PPFIBP1: variants seen among roughly 807,000 people sequenced by gnomAD.
The protein encoded by PPFIBP1 is PPFIB scaffold protein 1, also known as liprin-beta-1.
PPFIBP1 carries 112 observed loss-of-function variants against 137.8 expected under a neutral mutation model. That is an observed-to-expected ratio of 0.81 (90% CI 0.70 to 0.95). The LOEUF is 0.95. Ranked by LOEUF, PPFIBP1 falls within the 40% of genes least tolerant of loss-of-function variation. The pLI is 0.00. For missense variants in PPFIBP1, 1,083 were observed against 1,196.6 expected (o/e 0.91, Z 1.40); for synonymous variants, 378 against 417.3 (o/e 0.91, Z 1.15).
At chr12:27,673,543 T>G (rs1565988187) in intron 15 of PPFIBP1, among the ~76,000 whole-genome samples, 1 of 152,210 alleles carries the variant, frequency 6.6e-6, no homozygotes, top group African/African-American at 2.4e-5. Context: ...TTCTAACATG[T>G]GCAGAACAGT....
chr12:27,660,393 A>G (rs1290364455), intron 10 of PPFIBP1, among the ~76,000 whole-genome samples: 3 of 152,210 alleles, frequency 2.0e-5, no homozygotes, highest in Non-Finnish European at 4.4e-5. Context: ...TGGAACTACA[A>G]CCAGCTTCTT....
chr12:27,596,947 C>T (rs1266859611), intron 2 of PPFIBP1, among the ~76,000 whole-genome samples: 2 of 152,164 alleles, frequency 1.3e-5, no homozygotes, highest in Non-Finnish European at 2.9e-5. Context: ...CCTCTACACA[C>T]TCTTGTCTCA....
At chr12:27,667,843 A>G (rs1004716229) in intron 13 of PPFIBP1, among the ~76,000 whole-genome samples, 1 of 152,098 alleles carries the variant, frequency 6.6e-6, no homozygotes, top group African/African-American at 2.4e-5. Context: ...TAGAACAACT[A>G]CATGTGACCG....
intron 4 of PPFIBP1, chr12:27,637,014 T>C (rs770175108): frequency 5.9e-5 from 9 of 152,234 alleles, no homozygotes; most frequent in Non-Finnish European, 1.3e-4. Flanking sequence ...TACTCAAAAG[T>C]CATGCTCTCA....
At chr12:27,593,936 C>G in intron 2 of PPFIBP1, 1 of 1,485,062 alleles carries the variant, frequency 6.7e-7, no homozygotes, top group South Asian at 1.6e-5. Context: ...TGTGTCCTCA[C>G]AGGGGGTGTC....
At chr12:27,529,790 G>T (rs1295264626) in intron 1 of PPFIBP1, among the ~76,000 whole-genome samples, 1 of 152,222 alleles carries the variant, frequency 6.6e-6, no homozygotes, top group Non-Finnish European at 1.5e-5. Flanking sequence ...GGCCAGCAAG[G>T]TAGTTTTGGG....
Position 27,626,261 on chromosome 12 carries a change from A to G in PPFIBP1, c.-35-7101A>G, listed in dbSNP as rs554494775. ...CACGCATAAGTACCTATAGTGGTTGAGGTTTAAAGGGAGAGGTTTTTTGAA... is the reference window on the plus strand; with the variant it reads ...CACGCATAAGTACCTATAGTGGTTGGGGTTTAAAGGGAGAGGTTTTTTGAA... On this transcript the variant is annotated intron_variant, in intron 2 of 29. Coordinates refer to ENST00000228425, the MANE Select transcript of PPFIBP1 (RefSeq NM_003622.4). 5.3e-5 allele frequency among the ~76,000 whole-genome samples: 8 copies of G among 152,286 alleles called. No homozygotes were observed. The South Asian group carries it at 1.0e-3, about 20-fold the overall frequency.
chr12:27,664,178 G>C (rs2059717830), intron 11 of PPFIBP1, among the ~76,000 whole-genome samples, 184 bp from the exon 12 acceptor site: 1 of 152,106 alleles, frequency 6.6e-6, no homozygotes, highest in Non-Finnish European at 1.5e-5. Flanking sequence ...TTCTCCTAAA[G>C]CTTAGAAGTA....
Position 27,598,885 on chromosome 12 carries a change from C to T in PPFIBP1, c.-36+20646C>T, listed in dbSNP as rs561459157. 6.2e-4 allele frequency among the ~76,000 whole-genome samples: 94 copies of T among 152,240 alleles called. 1 individual carries two copies. The highest frequency in any genetic ancestry group is 1.2e-3 in the Admixed American group (19 of 15,286). On this transcript the variant is annotated intron_variant, in intron 2 of 29. Transcript: ENST00000228425. Reference sequence around the variant, plus strand: ...CTTCCCTTGGATTACAATTTTACATCGTCTAAGTAGTATAAGCTGCCTTTT... The same window carrying T: ...CTTCCCTTGGATTACAATTTTACATTGTCTAAGTAGTATAAGCTGCCTTTT...
intron 1 of PPFIBP1, chr12:27,548,946 G>C (rs1946496264): frequency 6.6e-6 from 1 of 152,206 alleles, no homozygotes; most frequent in South Asian, 2.1e-4. Context: ...GTAGGTCACT[G>C]TTCCTAATTC....
chr12:27,646,366 C>G (rs1653230935), intron 5 of PPFIBP1: 2 of 573,084 alleles, frequency 3.5e-6, no homozygotes, highest in African/African-American at 1.9e-5. Context: ...TCAGCTCTTG[C>G]AGGACCAGTC....
chr12:27,549,560 A>C (rs966801617), intron 1 of PPFIBP1: 2 of 148,140 alleles, frequency 1.4e-5, no homozygotes, highest in African/African-American at 5.0e-5. Context: ...GAAGAACCAG[A>C]ATTAAAAAAA....
intron 20 of PPFIBP1, 101 bp downstream of exon 20, chr12:27,679,740 T>C: frequency 1.4e-6 from 2 of 1,439,006 alleles, no homozygotes; most frequent in South Asian, 2.7e-5. Flanking sequence ...GTATTCCTCT[T>C]ATGGAAGGAA....
intron 1 of PPFIBP1, chr12:27,548,740 C>G (rs1243915599): frequency 6.6e-6 from 1 of 152,176 alleles, no homozygotes; most frequent in Admixed American, 6.5e-5. Flanking sequence ...GGTGGGGAAG[C>G]CTGATGACTT....
chr12:27,671,423 C>T lies in PPFIBP1; in HGVS notation c.1147-8C>T. 6.9e-7 allele frequency: 1 copy of T among 1,446,264 alleles called. No homozygotes were observed. Among genetic ancestry groups the T allele is most frequent in the Non-Finnish European group, 9.5e-7 (1 of 1,058,116 alleles). The allele number at this position is 1,446,264 out of a possible 1,614,324, so 89.6% of individuals were successfully genotyped here. On this transcript the variant is annotated splice_region_variant and splice_polypyrimidine_tract_variant and intron_variant, in intron 13 of 29. Coordinates refer to ENST00000228425, the MANE Select transcript of PPFIBP1 (RefSeq NM_003622.4). Reference sequence around the variant, plus strand: ...TTGATTGATTGATTTTTTGTAATTACATTACAGTTCCATACTACCATCTTG... The same window carrying T: ...TTGATTGATTGATTTTTTGTAATTATATTACAGTTCCATACTACCATCTTG...
intron 2 of PPFIBP1, among the ~76,000 whole-genome samples, chr12:27,622,973 G>A (rs1487545732): frequency 2.6e-5 from 4 of 152,186 alleles, no homozygotes; most frequent in Non-Finnish European, 5.9e-5. Flanking sequence ...AGGTGCTCAT[G>A]TATAGGAATT....
intron 2 of PPFIBP1, among the ~76,000 whole-genome samples, chr12:27,610,593 G>C (rs999256012): frequency 3.3e-5 from 5 of 152,194 alleles, no homozygotes; most frequent in Admixed American, 6.5e-5. Context: ...GAAAACATGG[G>C]AGGAGACTTA....
chr12:27,615,801 G>A (rs1469675032), intron 2 of PPFIBP1, among the ~76,000 whole-genome samples: 1 of 152,172 alleles, frequency 6.6e-6, no homozygotes, highest in Non-Finnish European at 1.5e-5. Flanking sequence ...TCAGGGACCA[G>A]CCACACTCCA....
intron 17 of PPFIBP1, among the ~76,000 whole-genome samples, chr12:27,675,225 C>T (rs1488982767): frequency 6.6e-6 from 1 of 152,124 alleles, no homozygotes; most frequent in Non-Finnish European, 1.5e-5. Context: ...ACTGTTGGCT[C>T]TTAGTGCCTG....
Sources: allele counts gnomAD v4.1 joint callset (sites outside exome capture counted in the v4.1 genomes callset), GRCh38; gene constraint gnomAD v4.1.1; transcripts MANE v1.5; gene names NCBI Gene and HGNC (gene_info 2026-07-23, HGNC 2026-07-21).